Variants in KCNMA1 observed in about 807,000 individuals in gnomAD.
KCNMA1 encodes the protein potassium calcium-activated channel subfamily M alpha 1, also known as Calcium-activated potassium channel subunit alpha-1.
In KCNMA1, 29 loss-of-function variants were observed where a neutral mutation model predicts 140.0. That is an observed-to-expected ratio of 0.21 (90% CI 0.15 to 0.28). The LOEUF is 0.28. Among genes scored for constraint, KCNMA1 ranks in the 10% least tolerant of loss-of-function variants. The pLI is 1.00. For synonymous variants in KCNMA1, 612 were observed against 611.9 expected (o/e 1.00, Z 0.00); for missense variants, 880 against 1,602.2 (o/e 0.55, Z 7.70).
chr10:77,521,131 G>A (rs2053242440), intron 1 of KCNMA1, among the ~76,000 whole-genome samples: 1 of 152,156 alleles, frequency 6.6e-6, no homozygotes, highest in Non-Finnish European at 1.5e-5. Context: ...CACAAAGCAG[G>A]GAGAACAGTG....
rs2096375188 is a variant in KCNMA1, at chr10:77,404,007, T to C, written c.395A>G (p.Asn132Ser). 1 of 1,614,036 alleles carries C rather than the reference T, an allele frequency of 6.2e-7. No homozygotes were observed. The highest frequency in any genetic ancestry group is 8.5e-7 in the Non-Finnish European group (1 of 1,180,050). The change falls in exon 2 of 28, where the codon AAC (asparagine) becomes AGC (serine). Residue 132 changes from asparagine to serine, a missense_variant. Physicochemically the swap from Asn to Ser is conservative, Grantham distance 46. This residue lies in a region of KCNMA1 where 54 missense variants were observed against 56.4 expected (regional missense o/e 0.96). Coordinates refer to ENST00000286628, the MANE Select transcript of KCNMA1 (RefSeq NM_001161352.2). ...GCCATCCGCCTGGCTTGAGCCATTG[T>C]TAATCTTCTGGGCCTCCTGGCAACA... Reference protein sequence around the residue: ...GGKTKEAQKINNGSSQADGTL... With the variant: ...GGKTKEAQKISNGSSQADGTL...
chr10:77,032,068 G>T (rs371539302), intron 15 of KCNMA1, among the ~76,000 whole-genome samples: 2 of 152,174 alleles, frequency 1.3e-5, no homozygotes, highest in African/African-American at 4.8e-5. Context: ...GGAAATAAAA[G>T]TAGTGATATG....
rs533168054 is a variant in KCNMA1 at position 77,012,756 on chromosome 10, G to C, written c.2016-713C>G. Among the ~76,000 whole-genome samples the C allele has an allele frequency of 3.3e-5, 5 of 152,310 alleles. No individual in the cohort carries two copies. The South Asian group carries it at 1.0e-3, about 32-fold the overall frequency. On this transcript the variant is annotated intron_variant, in intron 17 of 27. Coordinates refer to ENST00000286628, the MANE Select transcript of KCNMA1 (RefSeq NM_001161352.2). ...TGACCACTGGAAGGGGGTGAGTAGA[G>C]CTTATTGAAGCAATAGGTAGGTAGA...
intron 3 of KCNMA1, among the ~76,000 whole-genome samples, chr10:77,242,780 A>T (rs920004880): frequency 6.6e-6 from 1 of 152,046 alleles, no homozygotes; most frequent in South Asian, 2.1e-4. Flanking sequence ...TGGTACCTTT[A>T]AGGCCACAGG....
intron 3 of KCNMA1, among the ~76,000 whole-genome samples, chr10:77,218,438 T>C (rs950730926): frequency 1.3e-5 from 2 of 152,206 alleles, no homozygotes; most frequent in Admixed American, 1.3e-4. Flanking sequence ...AATAACTCAC[T>C]GGAGCTGGGT....
chr10:77,077,759 G>A (rs577076708), intron 13 of KCNMA1: 4 of 152,360 alleles, frequency 2.6e-5, no homozygotes, highest in Admixed American at 2.6e-4. Context: ...TCACAGCCTT[G>A]CTAATAAAAT....
intron 1 of KCNMA1, among the ~76,000 whole-genome samples, chr10:77,495,070 C>A (rs1169442660): frequency 6.6e-6 from 1 of 152,188 alleles, no homozygotes; most frequent in African/African-American, 2.4e-5. Context: ...AATAAGGTCA[C>A]ATTCACAGGT....
intron 1 of KCNMA1, among the ~76,000 whole-genome samples, chr10:77,524,132 T>A (rs1263240475): frequency 6.6e-6 from 1 of 152,226 alleles, no homozygotes; most frequent in African/African-American, 2.4e-5. Context: ...AATAAATGAC[T>A]AAACAATATT....
At chr10:77,557,328 C>T (rs2064849410) in intron 1 of KCNMA1, among the ~76,000 whole-genome samples, 1 of 152,224 alleles carries the variant, frequency 6.6e-6, no homozygotes. Context: ...AGGGCACAAG[C>T]TTCTCCTATC....
intron 23 of KCNMA1, among the ~76,000 whole-genome samples, chr10:76,924,209 A>G (rs2056954087): frequency 6.6e-6 from 1 of 152,184 alleles, no homozygotes; most frequent in African/African-American, 2.4e-5. Flanking sequence ...TGAATGTCCA[A>G]TTTTAGGGAA....
intron 1 of KCNMA1, 175 bp downstream of exon 1, chr10:77,637,090 C>T (rs1013492624): frequency 6.9e-5 from 91 of 1,312,304 alleles, no homozygotes; most frequent in Middle Eastern, 2.7e-4. Context: ...CGGCGCGCCG[C>T]CCGCTGCCCC....
chr10:77,081,482 GT>G (rs571067482), intron 12 of KCNMA1, among the ~76,000 whole-genome samples: 2 of 152,266 alleles, frequency 1.3e-5, no homozygotes, highest in East Asian at 3.9e-4. Context: ...AGAAATGCAA[GT>G]GCATTTATTA....
intron 1 of KCNMA1, among the ~76,000 whole-genome samples, chr10:77,435,986 G>A (rs1374380541): frequency 1.3e-5 from 2 of 152,190 alleles, no homozygotes; most frequent in Admixed American, 1.3e-4. Flanking sequence ...CTACCTGTGT[G>A]TGCAATATGT....
intron 23 of KCNMA1, 93 bp downstream of exon 23, chr10:76,944,680 T>C: frequency 8.3e-7 from 1 of 1,206,944 alleles, no homozygotes; most frequent in Non-Finnish European, 1.2e-6. Flanking sequence ...CAGGCTGATG[T>C]GAGCCTCTTT....
intron 5 of KCNMA1, among the ~76,000 whole-genome samples, chr10:77,131,519 G>A (rs906797571): frequency 3.3e-5 from 5 of 152,122 alleles, no homozygotes; most frequent in South Asian, 2.1e-4. Flanking sequence ...TTCAAAACTG[G>A]GCAAAACTGA....
chr10:77,637,187 A>G lies in KCNMA1; in HGVS notation c.378+78T>C, dbSNP rs371224559. 146 of 1,370,690 alleles carry G rather than the reference A, an allele frequency of 1.1e-4. 3 individuals are homozygous for G. Among genetic ancestry groups the G allele is most frequent in the East Asian group, 9.8e-4 (39 of 39,754 alleles). 84.9% of individuals were successfully genotyped at this position (1,370,690 alleles called of 1,614,324 possible). A position where few individuals can be genotyped will look rare whatever the true frequency, so the allele number is the denominator to read the frequency against. Reference sequence around the variant, plus strand: ...TGGAGGGAGGCACGGCGCGGCGCGGAGCGAGGAGGTGGGCTGCAGGGGACG... The same window carrying G: ...TGGAGGGAGGCACGGCGCGGCGCGGGGCGAGGAGGTGGGCTGCAGGGGACG... On this transcript the variant is annotated intron_variant, in intron 1 of 27. Transcript: ENST00000286628.
In KCNMA1 at chr10:77,152,969, C is replaced by T. The variant is rs375141602; in HGVS notation, c.808+30452G>A. On this transcript the variant is annotated intron_variant, in intron 5 of 27. Transcript: ENST00000286628. ...TGTCATGAGAACATGGAAAATGTGGCGCTCCCCACTAAGGCCCCTGGAGCC... is the reference window on the plus strand; with the variant it reads ...TGTCATGAGAACATGGAAAATGTGGTGCTCCCCACTAAGGCCCCTGGAGCC... Among the ~76,000 whole-genome samples the T allele has an allele frequency of 3.0e-4, 46 of 152,252 alleles. No individual in the cohort carries two copies. The South Asian group carries it at 9.6e-3, about 32-fold the overall frequency.
At chr10:76,935,982 CTGT>C (rs2060454872) in intron 23 of KCNMA1, among the ~76,000 whole-genome samples, 2 of 152,184 alleles carry the variant, frequency 1.3e-5, no homozygotes. Flanking sequence ...ATAGCTGCTG[CTGT>C]TGTTTTTCCT....
At chr10:77,251,008 A>G in intron 3 of KCNMA1, 187 bp downstream of exon 3, 1 of 628,086 alleles carries the variant, frequency 1.6e-6, no homozygotes, top group Non-Finnish European at 2.9e-6. Flanking sequence ...CAGACTCAAA[A>G]TAGCCTTCCT....
Sources: allele counts gnomAD v4.1 joint callset (sites outside exome capture counted in the v4.1 genomes callset), GRCh38; gene constraint gnomAD v4.1.1; regional missense constraint gnomAD v4.1.1; transcripts MANE v1.5; gene names NCBI Gene and HGNC (gene_info 2026-07-23, HGNC 2026-07-21).